STAM2: variants seen among roughly 807,000 people sequenced by gnomAD.
STAM2 encodes signal transducing adaptor molecule 2, also known as signal transducing adapter molecule 2.
A neutral mutation model predicts 65.6 loss-of-function variants in STAM2; 51 were observed. That is an observed-to-expected ratio of 0.78 (90% CI 0.62 to 0.98). The LOEUF (loss-of-function observed/expected upper bound fraction) is 0.98, where lower values mean the gene tolerates loss of function less well. STAM2 is among the 50% of genes least tolerant of loss of function. STAM2 has a pLI of 0.00. For missense variants in STAM2, 584 were observed against 617.8 expected (o/e 0.95, Z 0.58); for synonymous variants, 198 against 208.4 (o/e 0.95, Z 0.43).
At chr2:152,162,795 C>T (rs887112368) in intron 1 of STAM2, among the ~76,000 whole-genome samples, 1 of 144,506 alleles carries the variant, frequency 6.9e-6, no homozygotes, top group African/African-American at 2.7e-5. Flanking sequence ...CGCACGCCAC[C>T]ATGCCTGGGT....
Position 152,120,462 on chromosome 2 carries a change from T to C in STAM2, c.*112A>G, listed in dbSNP as rs1688830730. On this transcript the variant is annotated 3_prime_UTR_variant, in exon 14 of 14. Coordinates refer to ENST00000263904, the MANE Select transcript of STAM2 (RefSeq NM_005843.6). ...AAGAGAGGTTTTTGTGCTTTATTTATTCATGGTCCTTTTGAGTTGAGAGGG... is the reference window on the plus strand; with the variant it reads ...AAGAGAGGTTTTTGTGCTTTATTTACTCATGGTCCTTTTGAGTTGAGAGGG... The C allele has an allele frequency of 2.3e-6, 2 of 876,558 alleles. No homozygotes were observed. Among genetic ancestry groups the C allele is most frequent in the Middle Eastern group, 2.5e-4 (1 of 4,048 alleles). 54.3% of individuals were successfully genotyped at this position (876,558 alleles called of 1,614,324 possible).
chr2:152,163,199 C>T (rs190240910), intron 1 of STAM2, among the ~76,000 whole-genome samples: 4 of 152,080 alleles, frequency 2.6e-5, no homozygotes, highest in African/African-American at 7.2e-5. Context: ...TGGCTGGAGC[C>T]GTAGCAGAGG....
At chr2:152,131,371 T>C (rs554941364) in intron 11 of STAM2, among the ~76,000 whole-genome samples, 1 of 152,076 alleles carries the variant, frequency 6.6e-6, no homozygotes, top group East Asian at 1.9e-4. Context: ...AAGAATTGCT[T>C]GAACCGGGGA....
intron 7 of STAM2, among the ~76,000 whole-genome samples, chr2:152,140,559 T>C (rs1450751184): frequency 2.0e-5 from 3 of 152,190 alleles, no homozygotes; most frequent in East Asian, 3.9e-4. Flanking sequence ...AACATATAAA[T>C]AGCAAACCTG....
chr2:152,150,735 C>T (rs1007209407), intron 1 of STAM2, among the ~76,000 whole-genome samples: 1 of 152,178 alleles, frequency 6.6e-6, no homozygotes, highest in African/African-American at 2.4e-5. Context: ...GAGCCTATGA[C>T]CTCAAGGCTG....
Position 152,133,324 on chromosome 2 carries a change from A to C in STAM2, c.883-64T>G. 3 of 1,541,282 alleles carry C rather than the reference A, an allele frequency of 1.9e-6. No individual in the cohort carries two copies. In the South Asian group the frequency reaches 3.4e-5, roughly 18 times the overall value. On this transcript the variant is annotated intron_variant, in intron 9 of 13. Coordinates refer to ENST00000263904, the MANE Select transcript of STAM2 (RefSeq NM_005843.6). ...TTTTAACTTCAGTAAATATGAAATTACTCTTTCCAAGCATTCTCAAAGATA... is the reference window on the plus strand; with the variant it reads ...TTTTAACTTCAGTAAATATGAAATTCCTCTTTCCAAGCATTCTCAAAGATA...
chr2:152,159,232 G>C (rs1202305946), intron 1 of STAM2, among the ~76,000 whole-genome samples: 3 of 151,046 alleles, frequency 2.0e-5, no homozygotes, highest in Non-Finnish European at 2.9e-5. Context: ...CTTGTGCCCA[G>C]GAGTTTAAAG....
intron 8 of STAM2, 134 bp downstream of exon 8, chr2:152,135,375 T>C (rs1689135015): frequency 1.5e-6 from 1 of 649,374 alleles, no homozygotes; most frequent in African/African-American, 1.9e-5. Context: ...AAAAGTAGGT[T>C]AGATTGTCAT....
intron 1 of STAM2, among the ~76,000 whole-genome samples, chr2:152,167,668 G>A (rs958657419): frequency 6.6e-6 from 1 of 152,082 alleles, no homozygotes; most frequent in African/African-American, 2.4e-5. Flanking sequence ...GCCGAGGCAG[G>A]TGAATCACTT....
chr2:152,149,873 T>C (rs1295334307), intron 2 of STAM2, among the ~76,000 whole-genome samples: 1 of 152,104 alleles, frequency 6.6e-6, no homozygotes, highest in African/African-American at 2.4e-5. Flanking sequence ...TGTATATACA[T>C]AATATACTGT....
At position 152,123,921 on chromosome 2, in the gene STAM2, T is replaced by C. The variant is rs1481322174; in HGVS notation, c.1194A>G (p.Gln398=). The change falls in exon 13 of 14, where the codon CAA becomes CAG. Residue 398 remains glutamine (Q), a synonymous_variant. Coordinates refer to ENST00000263904, the MANE Select transcript of STAM2 (RefSeq NM_005843.6). ...GACCCATATAGTTTCCACCATGTGATTGAACTGGATATGTCTATTAATCAG... is the reference window on the plus strand; with the variant it reads ...GACCCATATAGTTTCCACCATGTGACTGAACTGGATATGTCTATTAATCAG... ...SGVPMQTYPV[Q]SHGGNYMGQS... The C allele has an allele frequency of 1.5e-5, 25 of 1,613,936 alleles. No individual in the cohort carries two copies. Among genetic ancestry groups the C allele is most frequent in the Non-Finnish European group, 1.8e-5 (21 of 1,179,990 alleles).
At chr2:152,123,334 T>C (rs1478826407) in intron 13 of STAM2, among the ~76,000 whole-genome samples, 1 of 150,522 alleles carries the variant, frequency 6.6e-6, no homozygotes, top group Admixed American at 6.6e-5. Context: ...ATCTAGCCAC[T>C]GCACTCCAGC....
chr2:152,146,774 A>G (rs922359505), intron 5 of STAM2, among the ~76,000 whole-genome samples: 4 of 152,228 alleles, frequency 2.6e-5, no homozygotes, highest in African/African-American at 9.6e-5. Flanking sequence ...TAAGATAGAC[A>G]GTATGCAGTC....
At position 152,174,088 on chromosome 2, in the gene STAM2, G is replaced by C. The variant is rs193064131; in HGVS notation, c.40+1515C>G. ...ATGCTGGGGCCTCGGGAGCCAGGCA[G>C]GGAAAGGTTTAGAACAGAACAGACA... is the stretch of plus-strand genomic sequence containing the variant. On this transcript the variant is annotated intron_variant, in intron 1 of 13. Transcript: ENST00000263904. 1.3e-3 allele frequency among the ~76,000 whole-genome samples: 197 copies of C among 152,228 alleles called. 4 individuals carry two copies. Among genetic ancestry groups the C allele is most frequent in the Admixed American group, 0.012 (191 of 15,296 alleles).
In STAM2 at chr2:152,175,694, T is replaced by C. The variant is rs111568112; in HGVS notation, c.-52A>G. 97,704 of 1,579,302 alleles carry C rather than the reference T, an allele frequency of 0.062. 3,387 individuals carry two copies. Among genetic ancestry groups the C allele is most frequent in the Non-Finnish European group, 0.068 (78,950 of 1,162,910 alleles). On this transcript the variant is annotated 5_prime_UTR_variant, in exon 1 of 14. Coordinates refer to ENST00000263904, the MANE Select transcript of STAM2 (RefSeq NM_005843.6). ...TGCTGTCTAGCTGACACTCAGCAACTGCTACCCGCCGGGTGACCCGCGGCC... is the reference window on the plus strand; with the variant it reads ...TGCTGTCTAGCTGACACTCAGCAACCGCTACCCGCCGGGTGACCCGCGGCC...
intron 1 of STAM2, among the ~76,000 whole-genome samples, chr2:152,157,210 G>GGCTACACAAACACACTT (rs902129012): frequency 7.9e-5 from 12 of 152,144 alleles, no homozygotes; most frequent in Admixed American, 6.5e-4. Flanking sequence ...CCAAAGGCTG[G>GGCTACACAAACACACTT]GCTACACAAA....
At chr2:152,137,368 T>C (rs974960537) in intron 7 of STAM2, among the ~76,000 whole-genome samples, 13 of 152,240 alleles carry the variant, frequency 8.5e-5, no homozygotes, top group Non-Finnish European at 1.2e-4. Flanking sequence ...TGCACTTGCA[T>C]TTCCCAAGCA....
intron 1 of STAM2, among the ~76,000 whole-genome samples, chr2:152,160,589 G>A (rs868061248): frequency 6.6e-4 from 98 of 148,036 alleles, no homozygotes; most frequent in South Asian, 1.9e-3. Context: ...CAGCCGCTCC[G>A]TCCAGGAGGG....
In STAM2 at chr2:152,144,869, C is replaced by T; in HGVS notation, c.517+19G>A. On this transcript the variant is annotated intron_variant, in intron 6 of 13. Transcript: ENST00000263904. ...AGATATTTTAAGCAACACTAAATTA[C>T]ATGTGCTTGATCATTTACCTTTAGC... 2 of 1,608,906 alleles carry T rather than the reference C, an allele frequency of 1.2e-6. No homozygotes were observed. Among genetic ancestry groups the T allele is most frequent in the Non-Finnish European group, 1.7e-6 (2 of 1,175,364 alleles).
Sources: allele counts gnomAD v4.1 joint callset (sites outside exome capture counted in the v4.1 genomes callset), GRCh38; gene constraint gnomAD v4.1.1; transcripts MANE v1.5; gene names NCBI Gene and HGNC (gene_info 2026-07-23, HGNC 2026-07-21).